ADA2: variants seen among roughly 807,000 people sequenced by gnomAD.
The protein encoded by ADA2 is adenosine deaminase CECR1.
Under a neutral mutation model 44.2 loss-of-function variants are expected in ADA2, and 29 were observed. That is an observed-to-expected ratio of 0.66 (90% confidence interval 0.49 to 0.89). The LOEUF (loss-of-function observed/expected upper bound fraction) is 0.89, where lower values mean the gene tolerates loss of function less well. Among genes scored for constraint, ADA2 ranks in the 40% least tolerant of loss-of-function variants. The pLI, the probability that ADA2 is intolerant of heterozygous loss-of-function variation, is 0.00. For missense variants in ADA2, 637 were observed against 644.8 expected (o/e 0.99, Z 0.13); for synonymous variants, 215 against 234.9 (o/e 0.92, Z 0.77).
chr22:17,184,694 G>A (rs1365258287), intron 7 of ADA2, among the ~76,000 whole-genome samples: 1 of 151,660 alleles, frequency 6.6e-6, no homozygotes, highest in African/African-American at 2.4e-5. Context: ...TTGGGAGGCT[G>A]AGGCAGGAGG....
Position 17,183,454 on chromosome 22 carries a change from C to CTATTTTTTTTT in ADA2, c.1082-694_1082-693insAAAAAAAAATA, listed in dbSNP as rs1568967612. Among the ~76,000 whole-genome samples, 2 of 76,138 alleles carry CTATTTTTTTTT rather than the reference C, an allele frequency of 2.6e-5. 1 individual carries two copies. Among genetic ancestry groups the CTATTTTTTTTT allele is most frequent in the Non-Finnish European group, 5.5e-5 (2 of 36,550 alleles). The allele number at this position is 76,138 out of a possible 152,430, so 49.9% of individuals were successfully genotyped here. ...CTTTCCTTCTTCCTCTTTTGTGGCA[C>CTATTTTTTTTT]TCTTTTTTTTTTTTTTTTTTTTTTG... On this transcript the variant is annotated intron_variant, in intron 7 of 9. Coordinates refer to ENST00000399837, the MANE Select transcript of ADA2 (RefSeq NM_001282225.2).
rs370907740 is a variant in ADA2, at chr22:17,181,963, C to T, written c.1299G>A (p.Gly433=). The change falls in exon 9 of 10, where the codon GGG becomes GGA. Residue 433 remains glycine, a synonymous_variant. Coordinates refer to ENST00000399837, the MANE Select transcript of ADA2 (RefSeq NM_001282225.2). ...CATCAGAGCTGATCACCATGGGGTG[C>T]CCAGTGGCCATCAGAGTGGCTACAG... The part of the protein sequence containing the change: ...NHPVATLMAT[G]HPMVISSDDP... 3 of 1,614,048 alleles carry T rather than the reference C, an allele frequency of 1.9e-6. No homozygotes were observed. Among genetic ancestry groups the T allele is most frequent in the Non-Finnish European group, 2.5e-6 (3 of 1,180,024 alleles).
At chr22:17,218,228 G>C (rs1243512959) in intron 1 of ADA2, among the ~76,000 whole-genome samples, 3 of 152,028 alleles carry the variant, frequency 2.0e-5, no homozygotes, top group Non-Finnish European at 4.4e-5. Context: ...GTAAATAGAG[G>C]TGCAAGGATA....
chr22:17,197,253 TTTCTTTCTTTTTTTTC>T (rs2062203904), intron 4 of ADA2, among the ~76,000 whole-genome samples: 1 of 148,086 alleles, frequency 6.8e-6, no homozygotes. Flanking sequence ...TCTTTTTTTC[TTTCTTTCTTTTTTTTC>T]TTTTTTTTTT....
chr22:17,190,568 GC>G (rs1471708932), intron 5 of ADA2, among the ~76,000 whole-genome samples: 3 of 152,162 alleles, frequency 2.0e-5, no homozygotes, highest in Non-Finnish European at 4.4e-5. Flanking sequence ...GACAACAAAA[GC>G]CCCAAAACAC....
intron 2 of ADA2, 113 bp downstream of exon 2, chr22:17,209,239 CTGAG>C: frequency 1.1e-6 from 1 of 869,882 alleles, no homozygotes; most frequent in Non-Finnish European, 1.8e-6. Flanking sequence ...AGCAGAACAG[CTGAG>C]TGAGGCTTTC....
chr22:17,196,106 G>A (rs532788249), intron 4 of ADA2, among the ~76,000 whole-genome samples: 1 of 152,070 alleles, frequency 6.6e-6, no homozygotes, highest in Non-Finnish European at 1.5e-5. Flanking sequence ...CAGCACTTTG[G>A]GGGGCCAAGG....
At chr22:17,210,794 G>T (rs554923350) in intron 1 of ADA2, among the ~76,000 whole-genome samples, 15 of 151,436 alleles carry the variant, frequency 9.9e-5, no homozygotes, top group African/African-American at 3.6e-4. Context: ...GACCATATTG[G>T]CCAGGCTGGT....
At chr22:17,198,064 A>C (rs1204493799) in intron 4 of ADA2, among the ~76,000 whole-genome samples, 1 of 150,612 alleles carries the variant, frequency 6.6e-6, no homozygotes, top group Non-Finnish European at 1.5e-5. Flanking sequence ...AAAAAAATTG[A>C]GAAACTCAGT....
intron 1 of ADA2, among the ~76,000 whole-genome samples, chr22:17,212,895 C>T (rs1033003902): frequency 1.1e-4 from 17 of 151,330 alleles, no homozygotes; most frequent in African/African-American, 4.1e-4. Flanking sequence ...CTCCCGGCTT[C>T]AAGGAATCCT....
rs200310657 is a variant in ADA2 at position 17,197,252 on chromosome 22, CTT to C, written c.754-5444_754-5443del. 6.6e-3 allele frequency among the ~76,000 whole-genome samples: 994 copies of C among 150,550 alleles called. 16 individuals are homozygous for C. Among genetic ancestry groups the C allele is most frequent in the African/African-American group, 0.023 (948 of 41,088 alleles). ...ACAAGGACTCGCAATTTCTTTTTTT[CTT>C]TCTTTCTTTTTTTTCTTTTTTTTTT... On this transcript the variant is annotated intron_variant, in intron 4 of 9. Transcript: ENST00000399837.
intron 4 of ADA2, chr22:17,198,645 A>G (rs2062224469): frequency 6.6e-6 from 1 of 152,188 alleles, no homozygotes; most frequent in South Asian, 2.1e-4. Flanking sequence ...CGACTGTCAC[A>G]GGTTCTCTGC....
chr22:17,209,334 G>A (rs2062391213), intron 2 of ADA2, 22 bp downstream of exon 2: 1 of 1,600,814 alleles, frequency 6.2e-7, no homozygotes, highest in South Asian at 1.1e-5. Context: ...AGCACCCCAA[G>A]CCACCCCTTT....
At chr22:17,195,777 T>A (rs2062182619) in intron 4 of ADA2, among the ~76,000 whole-genome samples, 1 of 150,672 alleles carries the variant, frequency 6.6e-6, no homozygotes, top group Non-Finnish European at 1.5e-5. Context: ...TTTTTTTTTT[T>A]TGAGACGGAG....
At chr22:17,208,647 A>C (rs2062382651) in intron 2 of ADA2, among the ~76,000 whole-genome samples, 1 of 151,568 alleles carries the variant, frequency 6.6e-6, no homozygotes, top group Non-Finnish European at 1.5e-5. Context: ...TACTAAAAGT[A>C]CAAAAATTAT....
chr22:17,188,645 C>T (rs1180709781), intron 6 of ADA2, 198 bp from the exon 7 acceptor site: 10 of 395,824 alleles, frequency 2.5e-5, no homozygotes, highest in Non-Finnish European at 4.1e-5. Context: ...TTTGGGAGGC[C>T]GAGGCAGGCA....
intron 4 of ADA2, among the ~76,000 whole-genome samples, chr22:17,202,716 A>G (rs1403930671): frequency 1.3e-5 from 2 of 151,846 alleles, no homozygotes; most frequent in African/African-American, 4.8e-5. Context: ...TTAATCAGCC[A>G]AACCTGGCTC....
At chr22:17,210,174 G>A (rs1007184435) in intron 1 of ADA2, among the ~76,000 whole-genome samples, 9 of 150,308 alleles carry the variant, frequency 6.0e-5, no homozygotes, top group African/African-American at 2.0e-4. Context: ...ACAGGCGTGA[G>A]CCACTGCACC....
rs550545271 is a variant in ADA2 at position 17,199,018 on chromosome 22, G to A, written c.753+4545C>T. Among the ~76,000 whole-genome samples the A allele has an allele frequency of 2.6e-5, 4 of 152,206 alleles. No homozygotes were observed. The East Asian group carries it at 7.7e-4, about 29-fold the overall frequency. ...TGTTTTTAGTTGTTAATGTGTTGGT[G>A]GCCCCCCAACTCTGGCTAATGGGGG... On this transcript the variant is annotated intron_variant, in intron 4 of 9. Transcript: ENST00000399837.
Sources: allele counts gnomAD v4.1 joint callset (sites outside exome capture counted in the v4.1 genomes callset), GRCh38; gene constraint gnomAD v4.1.1; transcripts MANE v1.5; gene names NCBI Gene and HGNC (gene_info 2026-07-23, HGNC 2026-07-21).